Variants in TAFA4 observed in about 807,000 individuals in gnomAD.
The protein encoded by TAFA4 is chemokine-like protein TAFA-4.
In TAFA4, 20 loss-of-function variants were observed where a neutral mutation model predicts 21.1. The observed-to-expected ratio is 0.95, with a 90% CI of 0.67 to 1.38. The LOEUF (loss-of-function observed/expected upper bound fraction) is 1.38, where lower values mean the gene tolerates loss of function less well. TAFA4 is among the 40% of genes most tolerant of loss of function. TAFA4 has a pLI of 0.00. For synonymous variants in TAFA4, 71 were observed against 67.4 expected (o/e 1.05, Z -0.26); for missense variants, 211 against 180.9 (o/e 1.17, Z -0.95).
At chr3:68,848,974 T>G (rs1269501189) in intron 3 of TAFA4, among the ~76,000 whole-genome samples, 1 of 151,920 alleles carries the variant, frequency 6.6e-6, no homozygotes, top group Non-Finnish European at 1.5e-5. Context: ...ATAAACACAC[T>G]CCTCTGAAAT....
intron 3 of TAFA4, among the ~76,000 whole-genome samples, chr3:68,804,340 G>C (rs1411205474): frequency 6.6e-6 from 1 of 152,076 alleles, no homozygotes; most frequent in Non-Finnish European, 1.5e-5. Context: ...CTCATGGGCA[G>C]GAAAAATCAA....
At chr3:68,845,995 G>C (rs991499013) in intron 3 of TAFA4, among the ~76,000 whole-genome samples, 1 of 152,064 alleles carries the variant, frequency 6.6e-6, no homozygotes, top group Admixed American at 6.5e-5. Context: ...TACGTGTCTT[G>C]GGGTTGGTCG....
At chr3:68,812,807 G>A (rs963633874) in intron 3 of TAFA4, among the ~76,000 whole-genome samples, 1 of 152,228 alleles carries the variant, frequency 6.6e-6, no homozygotes, top group Non-Finnish European at 1.5e-5. Flanking sequence ...ATTGAACTCA[G>A]CTCTGCACCA....
chr3:68,848,627 T>G (rs1704868093), intron 3 of TAFA4, among the ~76,000 whole-genome samples: 2 of 152,186 alleles, frequency 1.3e-5, no homozygotes, highest in South Asian at 4.1e-4. Flanking sequence ...ATATTTAATA[T>G]CATTACTTTC....
At chr3:68,779,969 C>G (rs993590324) in intron 3 of TAFA4, among the ~76,000 whole-genome samples, 1 of 152,210 alleles carries the variant, frequency 6.6e-6, no homozygotes, top group Non-Finnish European at 1.5e-5. Flanking sequence ...CCTGAAAAGC[C>G]ACAGAGGAGG....
chr3:68,733,711 G>C (rs184041956), intron 5 of TAFA4, among the ~76,000 whole-genome samples: 1 of 152,164 alleles, frequency 6.6e-6, no homozygotes, highest in African/African-American at 2.4e-5. Context: ...GAAATTTTAC[G>C]TGTTTGTTAG....
intron 3 of TAFA4, among the ~76,000 whole-genome samples, chr3:68,838,018 G>A (rs1313319537): frequency 1.3e-5 from 2 of 151,910 alleles, no homozygotes; most frequent in Non-Finnish European, 2.9e-5. Context: ...TTTGTGATGA[G>A]AACACTTAAA....
intron 3 of TAFA4, among the ~76,000 whole-genome samples, chr3:68,757,105 T>C (rs1031415811): frequency 6.6e-6 from 1 of 152,104 alleles, no homozygotes; most frequent in Non-Finnish European, 1.5e-5. Flanking sequence ...CAAAATACCA[T>C]AGACATAGAC....
At chr3:68,777,555 A>G (rs1349922820) in intron 3 of TAFA4, among the ~76,000 whole-genome samples, 1 of 152,122 alleles carries the variant, frequency 6.6e-6, no homozygotes. Flanking sequence ...AAAGCCCAAG[A>G]ATAACCATTT....
rs541605395 is a variant in TAFA4 at position 68,812,983 on chromosome 3, C to A, written c.131-59965G>T. On this transcript the variant is annotated intron_variant, in intron 3 of 5. Coordinates refer to ENST00000295569, the MANE Select transcript of TAFA4 (RefSeq NM_182522.5). ...AAATTATAACAAACTGTCTCTCAGA[C>A]CACAGTGCAATCAAACTAGAACTCA... is the stretch of plus-strand genomic sequence containing the variant. 2.8e-3 allele frequency among the ~76,000 whole-genome samples: 421 copies of A among 152,284 alleles called. 1 individual carries two copies. Among genetic ancestry groups the A allele is most frequent in the African/African-American group, 9.6e-3 (399 of 41,562 alleles).
At chr3:68,747,280 G>A (rs556016307) in intron 4 of TAFA4, among the ~76,000 whole-genome samples, 13 of 151,976 alleles carry the variant, frequency 8.6e-5, no homozygotes, top group East Asian at 3.9e-4. Context: ...ACACTGATAC[G>A]GTTTGGCTCT....
chr3:68,788,650 C>T (rs1373391001), intron 3 of TAFA4, among the ~76,000 whole-genome samples: 1 of 152,098 alleles, frequency 6.6e-6, no homozygotes, highest in Non-Finnish European at 1.5e-5. Context: ...CTCACTTCAT[C>T]ACCCAAGCTG....
chr3:68,784,448 G>A (rs1287379330), intron 3 of TAFA4, among the ~76,000 whole-genome samples: 1 of 152,098 alleles, frequency 6.6e-6, no homozygotes, highest in Non-Finnish European at 1.5e-5. Context: ...GCTGGCTCAG[G>A]GGTAAAGCTG....
intron 1 of TAFA4, among the ~76,000 whole-genome samples, chr3:68,886,674 CAGG>C (rs2089676174): frequency 6.6e-6 from 1 of 152,058 alleles, no homozygotes; most frequent in African/African-American, 2.4e-5. Flanking sequence ...GACAAGAAGC[CAGG>C]AGTTTAATTT....
intron 3 of TAFA4, among the ~76,000 whole-genome samples, chr3:68,858,600 G>GTGTT (rs1487131710): frequency 6.6e-6 from 1 of 151,624 alleles, no homozygotes; most frequent in Non-Finnish European, 1.5e-5. Flanking sequence ...GTGTGTGTGT[G>GTGTT]TGTGTGTGTG....
intron 4 of TAFA4, among the ~76,000 whole-genome samples, chr3:68,741,830 C>CT (rs534935092): frequency 2.3e-3 from 351 of 152,200 alleles, no homozygotes; most frequent in African/African-American, 8.2e-3. Context: ...TCTCCACTTT[C>CT]TCTTCCAAAG....
At chr3:68,802,134 G>A (rs546965074) in intron 3 of TAFA4, among the ~76,000 whole-genome samples, 1 of 152,116 alleles carries the variant, frequency 6.6e-6, no homozygotes, top group African/African-American at 2.4e-5. Context: ...AATAATGGTG[G>A]TATTAAGCAA....
intron 4 of TAFA4, among the ~76,000 whole-genome samples, chr3:68,745,098 T>C (rs1702432164): frequency 6.6e-6 from 1 of 152,140 alleles, no homozygotes; most frequent in Non-Finnish European, 1.5e-5. Flanking sequence ...AAAAGACACA[T>C]TGCAAATTCC....
rs1345751143 is a variant in TAFA4 at position 68,908,838 on chromosome 3, C to T, written c.-123+23402G>A. On this transcript the variant is annotated intron_variant, in intron 1 of 5. Coordinates refer to ENST00000295569, the MANE Select transcript of TAFA4 (RefSeq NM_182522.5). ...TAGCTAGACCAGAATCAACAATATC[C>T]TATTTTTCAGTTCCATTTAATAAGC... Among the ~76,000 whole-genome samples the T allele has an allele frequency of 2.0e-5, 3 of 152,178 alleles. No homozygotes were observed. In the East Asian group the frequency reaches 5.8e-4, roughly 29 times the overall value.
Sources: gnomAD v4.1 joint callset for allele counts (sites outside exome capture counted in the v4.1 genomes callset) on GRCh38, gnomAD v4.1.1 for gene constraint, MANE v1.5 for transcripts, NCBI Gene and HGNC (gene_info 2026-07-23, HGNC 2026-07-21) for gene names.